MRAP2: variants seen among roughly 807,000 people sequenced by gnomAD.
The protein encoded by MRAP2 is melanocortin-2 receptor accessory protein 2.
MRAP2 carries 20 observed loss-of-function variants against 17.4 expected under a neutral mutation model. That is an observed-to-expected ratio of 1.15 (90% confidence interval 0.81 to 1.67). The LOEUF (loss-of-function observed/expected upper bound fraction) is 1.67. Ranked by LOEUF, MRAP2 falls within the 40% of genes most tolerant of loss-of-function variation. The probability of loss-of-function intolerance (pLI) is 0.00; values close to 1 mark genes in which losing one functional copy is unlikely to be tolerated. For missense variants in MRAP2, 238 were observed against 240.0 expected (o/e 0.99, Z 0.05); for synonymous variants, 96 against 88.4 (o/e 1.09, Z -0.48).
intron 1 of MRAP2, among the ~76,000 whole-genome samples, chr6:84,053,423 C>T (rs11970494): frequency 0.18 from 27,141 of 152,016 alleles, 2,445 homozygotes; most frequent in Middle Eastern, 0.31. Context: ...ATCATTTTAA[C>T]TTTTAAATGA....
At chr6:84,118,823 TTAAATA>T in the MRAP2 span, among the ~76,000 whole-genome samples, 1 of 152,248 alleles carries the variant, frequency 6.6e-6, no homozygotes, top group Non-Finnish European at 1.5e-5. Context: ...GTTTCAGGTC[TTAAATA>T]TATTTAAGTC....
rs116306167 is a variant in MRAP2, at chr6:84,073,826, G to A, written c.227+10834G>A. Among the ~76,000 whole-genome samples, 1,117 of 151,546 alleles carry A rather than the reference G, an allele frequency of 7.4e-3. 12 individuals carry two copies. Among genetic ancestry groups the A allele is most frequent in the African/African-American group, 0.026 (1,065 of 41,286 alleles). Reference sequence around the variant, plus strand: ...GCGGCCCAGAATAGCTTTGAATGCAGCCCAACACAAATTCGTAAATTTGCT... The same window carrying A: ...GCGGCCCAGAATAGCTTTGAATGCAACCCAACACAAATTCGTAAATTTGCT... On this transcript the variant is annotated intron_variant, in intron 3 of 3. Coordinates refer to ENST00000257776, the MANE Select transcript of MRAP2 (RefSeq NM_138409.4).
At position 84,055,464 on chromosome 6, in the gene MRAP2, C is replaced by A. The variant is rs114262637; in HGVS notation, c.127+19C>A. On this transcript the variant is annotated intron_variant, in intron 2 of 3. Transcript: ENST00000257776. Reference sequence around the variant, plus strand: ...CATAAATGTAAGTTTTATACAATTCCTCATTGAAAGCATAATTGTATTTCT... The same window carrying A: ...CATAAATGTAAGTTTTATACAATTCATCATTGAAAGCATAATTGTATTTCT... The A allele has an allele frequency of 6.2e-7, 1 of 1,606,426 alleles. No individual in the cohort carries two copies. The highest frequency in any genetic ancestry group is 8.5e-7 in the Non-Finnish European group (1 of 1,176,042).
rs568615062 is a variant in MRAP2, at chr6:84,057,750, C to G, written c.127+2305C>G. ...AGAGCTTGCATTCTAGTGGGAGAGACAGACAATAAATAGTTAAATAGATAA... is the reference window on the plus strand; with the variant it reads ...AGAGCTTGCATTCTAGTGGGAGAGAGAGACAATAAATAGTTAAATAGATAA... On this transcript the variant is annotated intron_variant, in intron 2 of 3. Transcript: ENST00000257776. 3.9e-5 allele frequency among the ~76,000 whole-genome samples: 6 copies of G among 152,156 alleles called. No individual in the cohort carries two copies. In the East Asian group the frequency reaches 1.2e-3, roughly 29 times the overall value.
chr6:84,069,211 CT>C (rs1307239894), intron 3 of MRAP2, among the ~76,000 whole-genome samples: 2 of 152,042 alleles, frequency 1.3e-5, no homozygotes, highest in Admixed American at 6.5e-5. Context: ...CTTTTCCCCA[CT>C]CAGTATTATG....
chr6:84,115,578 G>A, the MRAP2 span, among the ~76,000 whole-genome samples: 3 of 152,130 alleles, frequency 2.0e-5, no homozygotes, highest in East Asian at 5.8e-4. Flanking sequence ...TTCTAGGGGA[G>A]TGAACGGATC....
At chr6:84,129,719 G>C in the MRAP2 span, among the ~76,000 whole-genome samples, 1 of 152,008 alleles carries the variant, frequency 6.6e-6, no homozygotes, top group Non-Finnish European at 1.5e-5. Flanking sequence ...ACTGCTTTTG[G>C]TGTTTTAGTC....
At chr6:84,073,338 CAA>C (rs1335540919) in intron 3 of MRAP2, among the ~76,000 whole-genome samples, 1 of 152,226 alleles carries the variant, frequency 6.6e-6, no homozygotes, top group East Asian at 1.9e-4. Context: ...ACTTCTCCCA[CAA>C]AGAGACTTTC....
chr6:84,136,567 A>G, the MRAP2 span, among the ~76,000 whole-genome samples: 5 of 152,190 alleles, frequency 3.3e-5, no homozygotes, highest in African/African-American at 1.2e-4. Context: ...TTAGTGGGAG[A>G]CATTATAGGC....
chr6:84,111,087 G>GT, the MRAP2 span, among the ~76,000 whole-genome samples: 1 of 151,870 alleles, frequency 6.6e-6, no homozygotes, highest in South Asian at 2.1e-4. Flanking sequence ...TAAATGAGCT[G>GT]TTTTTTTGGT....
At chr6:84,047,994 A>G (rs1483508884) in intron 1 of MRAP2, among the ~76,000 whole-genome samples, 2 of 152,224 alleles carry the variant, frequency 1.3e-5, no homozygotes, top group Non-Finnish European at 2.9e-5. Context: ...TGTATATACA[A>G]CATTTTATTT....
At chr6:84,130,039 A>G in the MRAP2 span, among the ~76,000 whole-genome samples, 1 of 152,178 alleles carries the variant, frequency 6.6e-6, no homozygotes, top group African/African-American at 2.4e-5. Flanking sequence ...CGTTCCATCA[A>G]TACCTAGTTT....
At chr6:84,098,421 A>G in the MRAP2 span, among the ~76,000 whole-genome samples, 1 of 152,088 alleles carries the variant, frequency 6.6e-6, no homozygotes, top group Non-Finnish European at 1.5e-5. Context: ...TTCTATGAAT[A>G]TTTGCTGTAA....
intron 2 of MRAP2, among the ~76,000 whole-genome samples, chr6:84,060,541 C>T (rs1018926632): frequency 6.6e-6 from 1 of 152,190 alleles, no homozygotes; most frequent in Admixed American, 6.5e-5. Context: ...TTTGCTTTTG[C>T]TATGCAGGCA....
intron 1 of MRAP2, among the ~76,000 whole-genome samples, chr6:84,047,513 C>T (rs2099489358): frequency 6.6e-6 from 1 of 151,202 alleles, no homozygotes; most frequent in Non-Finnish European, 1.5e-5. Flanking sequence ...AAACTATAAA[C>T]AATATTAGAA....
chr6:84,082,097 G>C (rs1334411444), intron 3 of MRAP2, among the ~76,000 whole-genome samples: 1 of 152,094 alleles, frequency 6.6e-6, no homozygotes, highest in Non-Finnish European at 1.5e-5. Context: ...CATTAGACTT[G>C]TCCCTTAAAA....
chr6:84,090,666 A>G lies in MRAP2; in HGVS notation c.*1185A>G, dbSNP rs1480471173. The stretch of plus-strand genomic sequence containing the variant: ...GTCAGTGGGTTGTAAATTCCCCACT[A>G]GCAGATATTCAGGGTGGCCTGAGTT... On this transcript the variant is annotated 3_prime_UTR_variant, in exon 4 of 4. Transcript: ENST00000257776. 2.0e-5 allele frequency: 3 copies of G among 152,236 alleles called. No individual in the cohort carries two copies. The highest frequency in any genetic ancestry group is 4.4e-5 in the Non-Finnish European group (3 of 68,042). 9.4% of individuals were successfully genotyped at this position (152,236 alleles called of 1,614,324 possible).
chr6:84,052,001 G>A (rs2129163133), intron 1 of MRAP2, among the ~76,000 whole-genome samples: 1 of 152,334 alleles, frequency 6.6e-6, no homozygotes, highest in East Asian at 1.9e-4. Context: ...CTAGCTTTCG[G>A]ATGCAGTCCT....
In MRAP2 at chr6:84,089,198, C is replaced by T; in HGVS notation, c.335C>T (p.Ser112Phe). 2.5e-6 allele frequency: 4 copies of T among 1,614,162 alleles called. No individual in the cohort carries two copies. Among genetic ancestry groups the T allele is most frequent in the Non-Finnish European group, 3.4e-6 (4 of 1,180,044 alleles). ...TTTTCTCGCCAAGGCAACGAGGAGT[C>T]CAGGTCTCTCTTTCACTGCTACATC... The part of the protein sequence containing the change: ...KVFSRQGNEE[S>F]RSLFHCYINE... Residue 112 changes from serine to phenylalanine, a missense_variant, in exon 4 of 4, where the codon TCC becomes TTC. Coordinates refer to ENST00000257776, the MANE Select transcript of MRAP2 (RefSeq NM_138409.4).
Sources: gnomAD v4.1 joint callset for allele counts (sites outside exome capture counted in the v4.1 genomes callset) on GRCh38, gnomAD v4.1.1 for gene constraint, MANE v1.5 for transcripts, NCBI Gene and HGNC (gene_info 2026-07-23, HGNC 2026-07-21) for gene names.